TUSC3: variants seen among roughly 807,000 people sequenced by gnomAD.
TUSC3 encodes the protein dolichyl-diphosphooligosaccharide--protein glycosyltransferase subunit TUSC3.
A neutral mutation model predicts 44.8 loss-of-function variants in TUSC3; 45 were observed. That is an observed-to-expected ratio of 1.00 (90% CI 0.79 to 1.29). The LOEUF (loss-of-function observed/expected upper bound fraction) is 1.29. Among genes scored for constraint, TUSC3 ranks in the 50% most tolerant of loss-of-function variants. TUSC3 has a pLI of 0.00. For synonymous variants in TUSC3, 212 were observed against 152.9 expected (o/e 1.39, Z -2.85); for missense variants, 519 against 437.9 (o/e 1.19, Z -1.65).
chr8:15,833,486 A>C, the TUSC3 span, among the ~76,000 whole-genome samples: 8 of 152,206 alleles, frequency 5.3e-5, no homozygotes, highest in African/African-American at 1.9e-4. Context: ...AGACTGGATG[A>C]AGAAAATGTG....
intron 6 of TUSC3, among the ~76,000 whole-genome samples, chr8:15,729,224 G>C (rs1810617088): frequency 6.6e-6 from 1 of 152,114 alleles, no homozygotes; most frequent in African/African-American, 2.4e-5. Flanking sequence ...AAATATTGAT[G>C]TTAATTACTT....
intron 2 of TUSC3, among the ~76,000 whole-genome samples, chr8:15,631,241 A>G (rs1399125476): frequency 1.3e-5 from 2 of 152,040 alleles, no homozygotes; most frequent in African/African-American, 2.4e-5. Context: ...TAATTTTCTT[A>G]TTTTTTACAT....
At chr8:15,489,751 A>T (rs550722935) in intron 2 of TUSC3, among the ~76,000 whole-genome samples, 1 of 152,210 alleles carries the variant, frequency 6.6e-6, no homozygotes, top group African/African-American at 2.4e-5. Flanking sequence ...GGAGAAAAGT[A>T]TAATGAGGCA....
At chr8:15,450,987 T>C (rs1800191084) in intron 1 of TUSC3, among the ~76,000 whole-genome samples, 1 of 152,074 alleles carries the variant, frequency 6.6e-6, no homozygotes, top group Admixed American at 6.5e-5. Flanking sequence ...AACACCATGG[T>C]CAATCCTGCC....
In TUSC3 at chr8:15,503,721, G is replaced by C. The variant is rs557501381; in HGVS notation, n.189+20238G>C. Among the ~76,000 whole-genome samples the C allele has an allele frequency of 4.0e-5, 6 of 151,710 alleles. No individual in the cohort carries two copies. In the South Asian group the frequency reaches 1.3e-3, roughly 32 times the overall value. On this transcript the variant is annotated intron_variant and non_coding_transcript_variant, in intron 2 of 5. Coordinates refer to the TUSC3 transcript ENST00000503191. Reference sequence around the variant, plus strand: ...CTTGTGTCTTAAACAAAAAAATATCGGCCAGCCACAATGGCTCATGCCTGT... The same window carrying C: ...CTTGTGTCTTAAACAAAAAAATATCCGCCAGCCACAATGGCTCATGCCTGT...
At chr8:15,807,668 G>T in the TUSC3 span, among the ~76,000 whole-genome samples, 1 of 152,144 alleles carries the variant, frequency 6.6e-6, no homozygotes, top group African/African-American at 2.4e-5. Context: ...ATGCATGTTG[G>T]ACTACTAAAC....
At chr8:15,790,871 G>A in the TUSC3 span, among the ~76,000 whole-genome samples, 56 of 152,230 alleles carry the variant, frequency 3.7e-4, no homozygotes, top group Non-Finnish European at 6.3e-4. Flanking sequence ...TGTGGGGTTC[G>A]TATCCTGAAG....
intron 1 of TUSC3, among the ~76,000 whole-genome samples, chr8:15,565,314 C>G (rs577699356): frequency 6.6e-6 from 1 of 152,224 alleles, no homozygotes; most frequent in Non-Finnish European, 1.5e-5. Context: ...GAGACCCTTA[C>G]TATTTTGGAT....
intron 7 of TUSC3, among the ~76,000 whole-genome samples, chr8:15,740,010 A>AAAAT (rs1240921231): frequency 6.6e-6 from 1 of 152,230 alleles, no homozygotes; most frequent in African/African-American, 2.4e-5. Flanking sequence ...TTTTGGAGCT[A>AAAAT]AAATTGTAGT....
upstream of TUSC3, among the ~76,000 whole-genome samples, chr8:15,536,954 A>G (rs1442187143): frequency 6.6e-6 from 1 of 151,272 alleles, no homozygotes; most frequent in East Asian, 1.9e-4. Flanking sequence ...TGAGACAAGG[A>G]AAAAAAAATA....
chr8:15,590,990 A>G (rs1384393405), intron 1 of TUSC3, among the ~76,000 whole-genome samples: 1 of 152,144 alleles, frequency 6.6e-6, no homozygotes, highest in African/African-American at 2.4e-5. Flanking sequence ...TTGTTTTGCC[A>G]GATCTGATAT....
chr8:15,520,264 A>T (rs1362464549), intron 2 of TUSC3, among the ~76,000 whole-genome samples: 2 of 152,202 alleles, frequency 1.3e-5, no homozygotes, highest in African/African-American at 2.4e-5. Flanking sequence ...AAGGATATAG[A>T]TATGTTTAAA....
intron 1 of TUSC3, among the ~76,000 whole-genome samples, chr8:15,593,677 C>T (rs1311273474): frequency 6.6e-6 from 1 of 152,128 alleles, no homozygotes; most frequent in Non-Finnish European, 1.5e-5. Context: ...TCTGTGCCTT[C>T]ATTTCTTGTA....
At chr8:15,555,162 TG>T (rs1384757944) in intron 1 of TUSC3, among the ~76,000 whole-genome samples, 2 of 63,420 alleles carry the variant, frequency 3.2e-5, no homozygotes, top group Admixed American at 1.8e-4. Context: ...TTTTTTTTTT[TG>T]GGGGGGACGA....
the TUSC3 span, among the ~76,000 whole-genome samples, chr8:15,819,086 G>A: frequency 0.14 from 20,865 of 151,980 alleles, 1,569 homozygotes; most frequent in East Asian, 0.25. Context: ...TATTTTATCT[G>A]GAGAAAATTC....
At chr8:15,495,045 G>A (rs1485255775) in intron 2 of TUSC3, among the ~76,000 whole-genome samples, 4 of 152,142 alleles carry the variant, frequency 2.6e-5, no homozygotes, top group Admixed American at 2.0e-4. Flanking sequence ...TAGGATAATA[G>A]CCTCCAGCTC....
chr8:15,818,564 G>C, the TUSC3 span, among the ~76,000 whole-genome samples: 2 of 152,166 alleles, frequency 1.3e-5, no homozygotes, highest in African/African-American at 4.8e-5. Flanking sequence ...CACTTCTAAA[G>C]AGTAGAGAAA....
intron 6 of TUSC3, among the ~76,000 whole-genome samples, chr8:15,720,201 T>TACACACACACACACACAC (rs60082069): frequency 6.7e-4 from 95 of 141,682 alleles, no homozygotes; most frequent in East Asian, 2.3e-3. Context: ...TATATATATA[T>TACACACACACACACACAC]ACACACACAC....
rs941048534 is a variant in TUSC3, at chr8:15,764,548, T to C, written c.*392T>C. 4 of 277,534 alleles carry C rather than the reference T, an allele frequency of 1.4e-5. No individual in the cohort carries two copies. Among genetic ancestry groups the C allele is most frequent in the Non-Finnish European group, 2.8e-5 (4 of 143,094 alleles). 17.2% of individuals were successfully genotyped at this position (277,534 alleles called of 1,614,324 possible). On this transcript the variant is annotated 3_prime_UTR_variant, in exon 11 of 11. Coordinates refer to ENST00000503731, the MANE Select transcript of TUSC3 (RefSeq NM_006765.4). Reference sequence around the variant, plus strand: ...CCGCAATGTTAGTAAAGAAAACCTATGAAATGTATGTTAAAGATTCTTAGT... The same window carrying C: ...CCGCAATGTTAGTAAAGAAAACCTACGAAATGTATGTTAAAGATTCTTAGT...
Sources: allele counts gnomAD v4.1 joint callset (sites outside exome capture counted in the v4.1 genomes callset), GRCh38; gene constraint gnomAD v4.1.1; transcripts MANE v1.5; gene names NCBI Gene and HGNC (gene_info 2026-07-23, HGNC 2026-07-21).